DENND2B: variants seen among roughly 807,000 people sequenced by gnomAD.
The protein encoded by DENND2B is DENN domain containing 2B.
DENND2B carries 32 observed loss-of-function variants against 116.0 expected under a neutral mutation model. The ratio of observed to expected loss-of-function variants is 0.28; its 90% CI spans 0.21 to 0.37. The LOEUF (loss-of-function observed/expected upper bound fraction) is 0.37, where lower values mean the gene tolerates loss of function less well. Ranked by LOEUF, DENND2B falls within the 10% of genes least tolerant of loss-of-function variation. The probability of loss-of-function intolerance (pLI) is 1.00; values close to 1 mark genes in which losing one functional copy is unlikely to be tolerated. For missense variants in DENND2B, 1,276 were observed against 1,477.7 expected, an observed-to-expected ratio of 0.86 and a Z score of 2.24; for synonymous variants, 588 against 583.9, an observed-to-expected ratio of 1.01 and a Z score of -0.10.
chr11:8,716,710 C>T (rs2044886785), intron 5 of DENND2B, among the ~76,000 whole-genome samples: 1 of 150,876 alleles, frequency 6.6e-6, no homozygotes, highest in Non-Finnish European at 1.5e-5. Flanking sequence ...TGCAGTGGAG[C>T]GATCTTGGCT....
intron 1 of DENND2B, among the ~76,000 whole-genome samples, chr11:8,789,756 A>T (rs1593724629): frequency 1.1e-5 from 1 of 94,030 alleles, no homozygotes; most frequent in African/African-American, 4.1e-5. Context: ...TGGGCAACAC[A>T]ACAAGAGCCC....
intron 1 of DENND2B, among the ~76,000 whole-genome samples, chr11:8,886,922 G>A (rs778469691): frequency 4.6e-5 from 7 of 152,138 alleles, no homozygotes; most frequent in South Asian, 4.2e-4. Flanking sequence ...TCCACCTACC[G>A]GGTTCAAGCG....
chr11:8,711,633 C>T (rs950971095), intron 9 of DENND2B, among the ~76,000 whole-genome samples: 3 of 151,904 alleles, frequency 2.0e-5, no homozygotes, highest in African/African-American at 7.3e-5. Context: ...TTTGGGAGGC[C>T]GAGACTGGCG....
At chr11:8,735,138 A>C (rs1312540542) in intron 2 of DENND2B, among the ~76,000 whole-genome samples, 4 of 152,148 alleles carry the variant, frequency 2.6e-5, no homozygotes, top group Non-Finnish European at 1.5e-5. Context: ...AGTATAATAC[A>C]ATGTGGCAGT....
chr11:8,865,387 G>T (rs1236146010), intron 2 of DENND2B, among the ~76,000 whole-genome samples: 1 of 152,142 alleles, frequency 6.6e-6, no homozygotes, highest in South Asian at 2.1e-4. Context: ...CAGTTTGAAA[G>T]CTCTAATTGC....
chr11:8,776,162 A>ACGCGCG, intron 1 of DENND2B: 1 of 231,206 alleles, frequency 4.3e-6, no homozygotes. Flanking sequence ...GCGCGCGCGC[A>ACGCGCG]CACACACACA....
rs1296508914 is a variant in DENND2B at position 8,706,029 on chromosome 11, G to C, written c.2571+1056C>G. On this transcript the variant is annotated intron_variant, in intron 13 of 19. Transcript: ENST00000313726. ...GGAGGGGGAGGTGGGAGGATTGCTT[G>C]AGTCCAGGAGTTCAAGACCAGCCTG... Among the ~76,000 whole-genome samples, 4 of 152,224 alleles carry C rather than the reference G, an allele frequency of 2.6e-5. No individual in the cohort carries two copies. In the East Asian group the frequency reaches 5.8e-4, roughly 22 times the overall value.
chr11:8,848,142 A>G (rs950613142), intron 3 of DENND2B, among the ~76,000 whole-genome samples: 1 of 152,214 alleles, frequency 6.6e-6, no homozygotes, highest in African/African-American at 2.4e-5. Flanking sequence ...TAAAGTCCAG[A>G]GATGCATATA....
chr11:8,902,580 CA>C lies in DENND2B; in HGVS notation c.-256+8240del, dbSNP rs2064183844. Among the ~76,000 whole-genome samples the C allele has an allele frequency of 3.3e-5, 5 of 152,138 alleles. No homozygotes were observed. The South Asian group carries it at 1.0e-3, about 32-fold the overall frequency. ...TCTGATGTTAATACATTTACTTCAG[CA>C]ATCTTTTTTTGGCAAGGGGAGTCGC... On this transcript the variant is annotated intron_variant, in intron 1 of 22. Coordinates refer to the DENND2B transcript ENST00000534127.
intron 1 of DENND2B, among the ~76,000 whole-genome samples, chr11:8,804,568 G>C (rs377451120): frequency 2.5e-5 from 2 of 79,094 alleles, no homozygotes; most frequent in African/African-American, 8.6e-5. Context: ...TTTTTGAGAC[G>C]AAGTCTTGCT....
At chr11:8,770,647 T>C (rs1389010493) in intron 1 of DENND2B, among the ~76,000 whole-genome samples, 5 of 152,322 alleles carry the variant, frequency 3.3e-5, no homozygotes, top group Non-Finnish European at 5.9e-5. Context: ...ATAGTCAGTC[T>C]ATGGAACCCA....
intron 4 of DENND2B, among the ~76,000 whole-genome samples, chr11:8,723,200 CTG>C (rs1411311743): frequency 6.6e-6 from 1 of 152,114 alleles, no homozygotes; most frequent in Non-Finnish European, 1.5e-5. Flanking sequence ...GCAGAGAGGG[CTG>C]TGTTTTTCTG....
chr11:8,817,219 C>G, intron 4 of DENND2B, among the ~76,000 whole-genome samples: 1 of 152,164 alleles, frequency 6.6e-6, no homozygotes, highest in East Asian at 1.9e-4. Flanking sequence ...CTGACAATAC[C>G]TAAGTTCTCT....
At chr11:8,749,504 T>C (rs181631466) in intron 2 of DENND2B, among the ~76,000 whole-genome samples, 111 of 152,358 alleles carry the variant, frequency 7.3e-4, no homozygotes, top group East Asian at 1.9e-4. Flanking sequence ...ACTGTTTCTA[T>C]TGGGACAAAG....
chr11:8,851,427 T>C (rs36100955), intron 3 of DENND2B, among the ~76,000 whole-genome samples: 31,391 of 152,116 alleles, frequency 0.21, 3,755 homozygotes, highest in Middle Eastern at 0.36. Context: ...GAAATGGAAA[T>C]TAAAACAGAA....
chr11:8,740,105 C>T (rs2049928748), intron 2 of DENND2B, among the ~76,000 whole-genome samples: 1 of 151,578 alleles, frequency 6.6e-6, no homozygotes, highest in Non-Finnish European at 1.5e-5. Context: ...CAGGAGGATC[C>T]TTGAGCCCAG....
chr11:8,765,425 G>A (rs1287506981), intron 1 of DENND2B, among the ~76,000 whole-genome samples: 1 of 152,192 alleles, frequency 6.6e-6, no homozygotes, highest in Non-Finnish European at 1.5e-5. Context: ...CTCAACATTT[G>A]TTGAACACCC....
At chr11:8,862,322 C>CTTTTT (rs557309893) in intron 2 of DENND2B, among the ~76,000 whole-genome samples, 1 of 64,882 alleles carries the variant, frequency 1.5e-5, no homozygotes, top group Non-Finnish European at 3.0e-5. Context: ...CTTTTTCACT[C>CTTTTT]TTTTTTTTTT....
chr11:8,815,828 T>C (rs1454624366), intron 4 of DENND2B, among the ~76,000 whole-genome samples: 4 of 152,210 alleles, frequency 2.6e-5, no homozygotes, highest in Non-Finnish European at 5.9e-5. Flanking sequence ...AATAAGTGTG[T>C]GTGAGATAAA....
Sources: allele counts gnomAD v4.1 joint callset (sites outside exome capture counted in the v4.1 genomes callset), GRCh38; gene constraint gnomAD v4.1.1; transcripts MANE v1.5; gene names NCBI Gene and HGNC (gene_info 2026-07-23, HGNC 2026-07-21).